Variants in MGAT5B observed in about 807,000 individuals in gnomAD.
The protein encoded by MGAT5B is N-acetylglucosaminyl-transferase Vb.
In MGAT5B, 54 loss-of-function variants were observed where a neutral mutation model predicts 95.1. The ratio of observed to expected loss-of-function variants is 0.57; its 90% CI spans 0.46 to 0.71. The LOEUF (loss-of-function observed/expected upper bound fraction) is 0.71, where lower values mean the gene tolerates loss of function less well. MGAT5B is among the 30% of genes least tolerant of loss of function. The probability of loss-of-function intolerance (pLI) is 0.00; values close to 1 mark genes in which losing one functional copy is unlikely to be tolerated. For synonymous variants in MGAT5B, 464 were observed against 451.0 expected (o/e 1.03, Z -0.36); for missense variants, 935 against 1,088.6 (o/e 0.86, Z 1.99).
chr17:76,928,926 C>G (rs1454144917), intron 10 of MGAT5B, among the ~76,000 whole-genome samples: 1 of 150,444 alleles, frequency 6.6e-6, no homozygotes, highest in Non-Finnish European at 1.5e-5. Context: ...AGTGCAGTGG[C>G]GCGACCTCGG....
intron 10 of MGAT5B, among the ~76,000 whole-genome samples, chr17:76,929,816 C>T (rs1969425821): frequency 6.6e-6 from 1 of 152,220 alleles, no homozygotes; most frequent in Non-Finnish European, 1.5e-5. Context: ...GAGCTCTTGG[C>T]TTAATGGTCC....
chr17:76,917,292 T>C lies in MGAT5B; in HGVS notation c.1026-7674T>C, dbSNP rs1968971654. 6.6e-6 allele frequency among the ~76,000 whole-genome samples: 1 copy of C among 151,756 alleles called. No homozygotes were observed. Among genetic ancestry groups the C allele is most frequent in the Non-Finnish European group, 1.5e-5 (1 of 67,972 alleles). The stretch of plus-strand genomic sequence containing the variant: ...TCTCCGGCCTCTGCAGGGCCGTCCA[T>C]AGTCATTTCTCAGCTGCCCCTGGCT... On this transcript the variant is annotated intron_variant, in intron 8 of 17. Coordinates refer to ENST00000569840, the MANE Select transcript of MGAT5B (RefSeq NM_001199172.2). This position sits in a 1 kb window ranked among gnomAD's most constrained non-coding sequence, Gnocchi z 6.1.
intron 3 of MGAT5B, among the ~76,000 whole-genome samples, chr17:76,902,262 C>T (rs747243828): frequency 1.3e-4 from 19 of 151,900 alleles, no homozygotes; most frequent in Admixed American, 3.3e-4. Flanking sequence ...CTAAAGGGCT[C>T]TCTGCAGATA....
chr17:76,947,808 G>A, intron 16 of MGAT5B, 22 bp from the exon 17 acceptor site: 1 of 1,525,884 alleles, frequency 6.6e-7, no homozygotes, highest in Non-Finnish European at 8.8e-7. Flanking sequence ...TCCCCACCCT[G>A]ACACTGCTCT....
chr17:76,931,050 G>A (rs1302970730), intron 10 of MGAT5B, among the ~76,000 whole-genome samples: 1 of 152,218 alleles, frequency 6.6e-6, no homozygotes, highest in Admixed American at 6.5e-5. Context: ...TGGCACAGAA[G>A]TGAACAAAAC....
At chr17:76,945,147 T>C (rs1362727353) in intron 15 of MGAT5B, among the ~76,000 whole-genome samples, 1 of 150,584 alleles carries the variant, frequency 6.6e-6, no homozygotes, top group Non-Finnish European at 1.5e-5. Flanking sequence ...CAGGAAGGGG[T>C]TGGTTGGTTA....
intron 8 of MGAT5B, among the ~76,000 whole-genome samples, chr17:76,907,984 CATTG>C (rs1204279046): frequency 6.6e-6 from 1 of 152,034 alleles, no homozygotes; most frequent in Non-Finnish European, 1.5e-5. Context: ...ATGAGATGCC[CATTG>C]ATATGGGCAT....
chr17:76,887,658 A>G (rs1008129454), intron 3 of MGAT5B, among the ~76,000 whole-genome samples: 1 of 148,004 alleles, frequency 6.8e-6, no homozygotes, highest in African/African-American at 2.5e-5. Context: ...GGTTCAAGCA[A>G]TTCTCCCGCC....
chr17:76,920,892 A>G (rs1320533100), intron 8 of MGAT5B, among the ~76,000 whole-genome samples: 3 of 152,152 alleles, frequency 2.0e-5, no homozygotes, highest in African/African-American at 4.8e-5. Flanking sequence ...AGTTCTTCTC[A>G]TCTACCACTT....
chr17:76,900,174 T>A (rs1968254118), intron 3 of MGAT5B, among the ~76,000 whole-genome samples: 1 of 152,178 alleles, frequency 6.6e-6, no homozygotes, highest in South Asian at 2.1e-4. Flanking sequence ...CATCTCCTTG[T>A]ATCATACTGG....
chr17:76,884,041 G>A (rs111957605), intron 3 of MGAT5B, among the ~76,000 whole-genome samples: 62 of 151,078 alleles, frequency 4.1e-4, no homozygotes, highest in African/African-American at 1.5e-3. Flanking sequence ...GGCCAGCCTG[G>A]TGTGAGCATC....
At chr17:76,904,213 G>A in intron 5 of MGAT5B, 39 bp from the exon 6 acceptor site, 2 of 1,567,696 alleles carry the variant, frequency 1.3e-6, no homozygotes, top group Non-Finnish European at 8.6e-7. Flanking sequence ...GGTCAGTGGG[G>A]CTGGCGCAGC....
chr17:76,879,015 G>A (rs917889439), intron 2 of MGAT5B, among the ~76,000 whole-genome samples: 2 of 151,860 alleles, frequency 1.3e-5, no homozygotes, highest in Non-Finnish European at 2.9e-5. Flanking sequence ...CCCCTTGACT[G>A]GGCCCATGCC....
At position 76,929,263 on chromosome 17, in the gene MGAT5B, G is replaced by C. The variant is rs576859255; in HGVS notation, c.1291+2533G>C. On this transcript the variant is annotated intron_variant, in intron 10 of 17. Transcript: ENST00000569840. ...GGGGGAAGCAGAGATGGGTTAAGAG[G>C]CTTCTGCAATATCCTGCACTGAGAA... is the stretch of plus-strand genomic sequence containing the variant. 2.0e-5 allele frequency among the ~76,000 whole-genome samples: 3 copies of C among 152,274 alleles called. 1 individual carries two copies. Among genetic ancestry groups the C allele is most frequent in the African/African-American group, 7.2e-5 (3 of 41,556 alleles).
intron 9 of MGAT5B, among the ~76,000 whole-genome samples, chr17:76,925,754 A>T (rs1033667159): frequency 6.6e-6 from 1 of 152,164 alleles, no homozygotes; most frequent in Non-Finnish European, 1.5e-5. Context: ...AAAAGTGCCA[A>T]CCTCAGCACT....
At chr17:76,899,448 A>G (rs950118740) in intron 3 of MGAT5B, among the ~76,000 whole-genome samples, 1 of 152,136 alleles carries the variant, frequency 6.6e-6, no homozygotes, top group Non-Finnish European at 1.5e-5. Context: ...GTTGGAGACC[A>G]GCCTGGGCAA....
At position 76,948,704 on chromosome 17, in the gene MGAT5B, C is replaced by T; in HGVS notation, c.2245C>T (p.Pro749Ser). 6.2e-7 allele frequency: 1 copy of T among 1,613,480 alleles called. No individual in the cohort carries two copies. The change falls in exon 18 of 18, where the codon CCT (proline) becomes TCT (serine). Residue 749 changes from proline (P) to serine (S), a missense_variant. Coordinates refer to ENST00000569840, the MANE Select transcript of MGAT5B (RefSeq NM_001199172.2). ...CCACCTGTACCCGGCGTTCGCCCAG[C>T]CTGGCCAGGAGTGCTACCTGCAGAA... The part of the protein sequence containing the change: ...MNHLYPAFAQ[P>S]GQECYLQKEP...
intron 15 of MGAT5B, among the ~76,000 whole-genome samples, chr17:76,944,675 G>A (rs1567828143): frequency 2.0e-5 from 3 of 152,208 alleles, no homozygotes; most frequent in Admixed American, 1.3e-4. Context: ...CCCACGCACA[G>A]TGCAGGGGGA....
chr17:76,910,991 T>C (rs1968713600), intron 8 of MGAT5B, among the ~76,000 whole-genome samples: 1 of 152,234 alleles, frequency 6.6e-6, no homozygotes, highest in South Asian at 2.1e-4. Context: ...CCAGGAGAAT[T>C]CCCCAGTTAT....
Sources: gnomAD v4.1 joint callset for allele counts (sites outside exome capture counted in the v4.1 genomes callset) on GRCh38, gnomAD v4.1.1 for gene constraint, Gnocchi (gnomAD v3.1) non-coding constraint, MANE v1.5 for transcripts, NCBI Gene and HGNC (gene_info 2026-07-23, HGNC 2026-07-21) for gene names.